HIBCH: variants seen among roughly 807,000 people sequenced by gnomAD.
The protein encoded by HIBCH is 3-hydroxyisobutyryl-CoA hydrolase, mitochondrial.
In HIBCH, 50 loss-of-function variants were observed where a neutral mutation model predicts 58.2. The observed-to-expected ratio is 0.86, with a 90% confidence interval of 0.68 to 1.09. The LOEUF is 1.09. HIBCH is among the 50% of genes least tolerant of loss of function. HIBCH has a pLI of 0.00. For synonymous variants in HIBCH, 151 were observed against 146.9 expected (o/e 1.03, Z -0.20); for missense variants, 450 against 449.7 (o/e 1.00, Z -0.01).
In HIBCH at chr2:190,206,442, A is replaced by T. The variant is rs1690393470; in HGVS notation, c.1046-1210T>A. Among the ~76,000 whole-genome samples the T allele has an allele frequency of 6.6e-6, 1 of 152,210 alleles. No individual in the cohort carries two copies. Among genetic ancestry groups the T allele is most frequent in the Non-Finnish European group, 1.5e-5 (1 of 68,022 alleles). On this transcript the variant is annotated intron_variant, in intron 13 of 13. Transcript: ENST00000359678. This position sits in a 1 kb window ranked among gnomAD's most constrained non-coding sequence, Gnocchi z 5.1. ...TCTCCTTGAGATCCCACTGAAGGAC[A>T]AGAGCAAAGAGACTATTAATCAAAT...
rs1463822496 is a variant in HIBCH at position 190,236,237 on chromosome 2, G to T, written c.891+8650C>A. Among the ~76,000 whole-genome samples the T allele has an allele frequency of 2.6e-5, 4 of 152,094 alleles. No homozygotes were observed. The highest frequency in any genetic ancestry group is 5.9e-5 in the Non-Finnish European group (4 of 68,026). ...AAGGCTTAAATGGGAAATATCTCTT[G>T]GCATTTGTCCTCAGGGTTAAATGAA... On this transcript the variant is annotated intron_variant, in intron 11 of 13. Transcript: ENST00000359678. This position sits in a 1 kb window ranked among gnomAD's most constrained non-coding sequence, Gnocchi z 4.1.
At chr2:190,194,396 AAAT>A (rs1336394204) in intron 1 of HIBCH, among the ~76,000 whole-genome samples, 1 of 151,540 alleles carries the variant, frequency 6.6e-6, no homozygotes, top group Non-Finnish European at 1.5e-5. Context: ...TTTTTTAAAA[AAAT>A]AATAGACTGT....
intron 11 of HIBCH, among the ~76,000 whole-genome samples, chr2:190,233,778 T>G (rs941388924): frequency 1.3e-5 from 2 of 152,236 alleles, no homozygotes; most frequent in African/African-American, 4.8e-5. Context: ...GGTGCTCAAC[T>G]TCATTAATCA....
intron 6 of HIBCH, among the ~76,000 whole-genome samples, chr2:190,274,689 G>A (rs950551662): frequency 6.6e-6 from 1 of 152,044 alleles, no homozygotes; most frequent in African/African-American, 2.4e-5. Context: ...ATTATCCAGG[G>A]AGAAATAAAA....
At chr2:190,265,842 T>C (rs920801743) in intron 6 of HIBCH, among the ~76,000 whole-genome samples, 4 of 152,214 alleles carry the variant, frequency 2.6e-5, no homozygotes, top group African/African-American at 4.8e-5. Context: ...ATGGGTTTTA[T>C]AGGGATGTGC....
intron 6 of HIBCH, among the ~76,000 whole-genome samples, chr2:190,266,808 G>C (rs894880380): frequency 1.3e-5 from 2 of 152,098 alleles, no homozygotes; most frequent in Non-Finnish European, 2.9e-5. Context: ...CCAGGCTGCA[G>C]TGCAGTGGCA....
rs571803899 is a variant in HIBCH at position 190,318,326 on chromosome 2, T to C, written c.35+1390A>G. 4.0e-5 allele frequency among the ~76,000 whole-genome samples: 6 copies of C among 151,264 alleles called. No homozygotes were observed. The East Asian group carries it at 7.7e-4, about 20-fold the overall frequency. ...GCGGTGGAGAGTGGCATTAGAAAAG[T>C]AGGCCAGTACCGAAGAAGCCAAGGG... On this transcript the variant is annotated intron_variant, in intron 1 of 13. Transcript: ENST00000359678.
intron 1 of HIBCH, among the ~76,000 whole-genome samples, chr2:190,193,698 T>G (rs1187319969): frequency 1.3e-5 from 2 of 152,170 alleles, no homozygotes; most frequent in Non-Finnish European, 2.9e-5. Context: ...ATTACACATC[T>G]TAATATGTGA....
At chr2:190,244,544 C>T (rs1402197268) in intron 11 of HIBCH, among the ~76,000 whole-genome samples, 1 of 152,162 alleles carries the variant, frequency 6.6e-6, no homozygotes, top group Non-Finnish European at 1.5e-5. Context: ...TGACTAATCT[C>T]CAGTGACCCA....
intron 2 of HIBCH, among the ~76,000 whole-genome samples, chr2:190,307,540 A>G (rs1394216102): frequency 6.6e-6 from 1 of 152,060 alleles, no homozygotes; most frequent in Non-Finnish European, 1.5e-5. Flanking sequence ...GTTGGGGTTC[A>G]TACCTGCAGT....
chr2:190,212,669 A>C (rs144655201), intron 12 of HIBCH, among the ~76,000 whole-genome samples: 1 of 152,334 alleles, frequency 6.6e-6, no homozygotes, highest in East Asian at 1.9e-4. Flanking sequence ...GGTCACAGAG[A>C]CCATCGCTGA....
At chr2:190,273,187 G>A (rs1006208131) in intron 6 of HIBCH, among the ~76,000 whole-genome samples, 1 of 152,166 alleles carries the variant, frequency 6.6e-6, no homozygotes, top group African/African-American at 2.4e-5. Flanking sequence ...GAGGTCAGGA[G>A]TTCGAGACCA....
At chr2:190,273,757 C>T (rs148826467) in intron 6 of HIBCH, among the ~76,000 whole-genome samples, 3 of 152,112 alleles carry the variant, frequency 2.0e-5, no homozygotes, top group South Asian at 2.1e-4. Flanking sequence ...GTATACCAAA[C>T]GAAGCTGAAC....
At chr2:190,255,804 CT>C (rs1686902153) in intron 7 of HIBCH, among the ~76,000 whole-genome samples, 1 of 151,790 alleles carries the variant, frequency 6.6e-6, no homozygotes, top group Non-Finnish European at 1.5e-5. Flanking sequence ...CAGGGTGTCT[CT>C]TTTAAGTACT....
rs1412921744 is a variant in HIBCH at position 190,246,147 on chromosome 2, T to C, written c.809+7A>G. On this transcript the variant is annotated splice_region_variant and intron_variant, in intron 10 of 13. Transcript: ENST00000359678. ...GGAATATATAACTGAGATCTCTTTT[T>C]AGGTACCTGTTTATTTTGTCCATGT... is the stretch of plus-strand genomic sequence containing the variant. The C allele has an allele frequency of 1.3e-6, 2 of 1,511,228 alleles. No individual in the cohort carries two copies. Among genetic ancestry groups the C allele is most frequent in the Non-Finnish European group, 1.8e-6 (2 of 1,087,266 alleles). 93.6% of individuals were successfully genotyped at this position (1,511,228 alleles called of 1,614,324 possible).
chr2:190,231,748 A>G (rs955174635), intron 11 of HIBCH, among the ~76,000 whole-genome samples: 1 of 152,046 alleles, frequency 6.6e-6, no homozygotes, highest in African/African-American at 2.4e-5. Flanking sequence ...AGAGAGGGAG[A>G]GGAGAAGAAA....
At position 190,243,371 on chromosome 2, in the gene HIBCH, G is replaced by A. The variant is rs1039930201; in HGVS notation, c.891+1516C>T. Among the ~76,000 whole-genome samples the A allele has an allele frequency of 2.0e-5, 3 of 152,102 alleles. No individual in the cohort carries two copies. Among genetic ancestry groups the A allele is most frequent in the Non-Finnish European group, 2.9e-5 (2 of 68,016 alleles). Reference sequence around the variant, plus strand: ...CTCAAGCTTGTAGACAGCCTACTGTGGGACCTTGTGATTGTGCAGGTTAAT... The same window carrying A: ...CTCAAGCTTGTAGACAGCCTACTGTAGGACCTTGTGATTGTGCAGGTTAAT... On this transcript the variant is annotated intron_variant, in intron 11 of 13. Transcript: ENST00000359678. The surrounding 1 kb of genome is among the most constrained non-coding windows in gnomAD (Gnocchi z 4.1).
rs992867277 is a variant in HIBCH, at chr2:190,216,610, A to G, written c.892-3535T>C. ...GCCACAGCTGCTCAGCTGTGATGCC[A>G]AACTGTCTGCTTTGTCAGAGGCCAG... On this transcript the variant is annotated intron_variant, in intron 11 of 13. Transcript: ENST00000359678. This position sits in a 1 kb window ranked among gnomAD's most constrained non-coding sequence, Gnocchi z 4.2. 2.0e-5 allele frequency among the ~76,000 whole-genome samples: 3 copies of G among 152,212 alleles called. No individual in the cohort carries two copies. In the East Asian group the frequency reaches 5.8e-4, roughly 29 times the overall value.
intron 9 of HIBCH, among the ~76,000 whole-genome samples, chr2:190,246,504 T>C (rs1686612943): frequency 6.6e-6 from 1 of 152,196 alleles, no homozygotes; most frequent in Non-Finnish European, 1.5e-5. Flanking sequence ...AATATATCTG[T>C]GAATATGTAA....
Sources: gnomAD v4.1 joint callset for allele counts (sites outside exome capture counted in the v4.1 genomes callset) on GRCh38, gnomAD v4.1.1 for gene constraint, Gnocchi (gnomAD v3.1) non-coding constraint, MANE v1.5 for transcripts, NCBI Gene and HGNC (gene_info 2026-07-23, HGNC 2026-07-21) for gene names.